The following CFAP46 variants were observed in gnomAD, a reference collection of about 807,000 sequenced individuals.
CFAP46 encodes the protein cilia and flagella associated protein 46.
CFAP46 carries 245 observed loss-of-function variants against 325.7 expected under a neutral mutation model. That is an observed-to-expected ratio of 0.75 (90% CI 0.68 to 0.84). CFAP46 has a LOEUF of 0.84. Ranked by LOEUF, CFAP46 falls within the 40% of genes least tolerant of loss-of-function variation. CFAP46 has a pLI of 0.00. For missense variants in CFAP46, 3,346 were observed against 3,543.0 expected, an observed-to-expected ratio of 0.94 and a Z score of 1.41; for synonymous variants, 1,523 against 1,495.9, an observed-to-expected ratio of 1.02 and a Z score of -0.42.
At chr10:132,871,865 C>T (rs1848899218) in intron 32 of CFAP46, among the ~76,000 whole-genome samples, 1 of 152,228 alleles carries the variant, frequency 6.6e-6, no homozygotes, top group South Asian at 2.1e-4. Context: ...TTTGAAAGAA[C>T]TTCTGCCATG....
chr10:132,897,932 T>C (rs1023807143), intron 24 of CFAP46, among the ~76,000 whole-genome samples: 82 of 152,256 alleles, frequency 5.4e-4, no homozygotes, highest in Non-Finnish European at 2.2e-4. Flanking sequence ...CATCTGAGGA[T>C]CCAGCGCAGC....
At chr10:132,860,664 G>A in intron 36 of CFAP46, 118 bp downstream of exon 36, 1 of 1,251,756 alleles carries the variant, frequency 8.0e-7, no homozygotes, top group East Asian at 2.5e-5. Flanking sequence ...GTGGGGCAGG[G>A]ATGGATCCAG....
intron 34 of CFAP46, 56 bp downstream of exon 34, chr10:132,867,319 G>C (rs1038782409): frequency 2.6e-6 from 4 of 1,525,950 alleles, no homozygotes; most frequent in African/African-American, 2.8e-5. Flanking sequence ...GCATGGCCAC[G>C]AGGCACCGGC....
At chr10:132,926,696 G>A in intron 9 of CFAP46, 30 bp from the exon 10 acceptor site, 18 of 1,466,380 alleles carry the variant, frequency 1.2e-5, no homozygotes, top group Non-Finnish European at 1.6e-5. Flanking sequence ...TTGAAAAGAT[G>A]GAGATCTGTA....
At chr10:132,936,789 C>T (rs1321328622) in intron 7 of CFAP46, among the ~76,000 whole-genome samples, 172 bp downstream of exon 7, 2 of 152,234 alleles carry the variant, frequency 1.3e-5, no homozygotes, top group Admixed American at 1.3e-4. Context: ...GGGTGGCCTT[C>T]GGATCCCCAC....
chr10:132,843,796 C>G (rs12765514), intron 44 of CFAP46, among the ~76,000 whole-genome samples: 13 of 80,712 alleles, frequency 1.6e-4, no homozygotes, highest in African/African-American at 1.9e-4. Context: ...CTGTGGGGCT[C>G]TGGTCTCGGT....
chr10:132,837,009 C>CCA, intron 44 of CFAP46, 95 bp from the exon 45 acceptor site: 2 of 979,340 alleles, frequency 2.0e-6, no homozygotes, highest in Non-Finnish European at 3.2e-6. Flanking sequence ...CGTGGCAGAG[C>CCA]CACGGCGGGG....
At chr10:132,822,893 TGTGCTGATGTGTGCTGTGTGA>T (rs976736224) in intron 50 of CFAP46, among the ~76,000 whole-genome samples, 5 of 144,042 alleles carry the variant, frequency 3.5e-5, no homozygotes, top group East Asian at 2.2e-4. Flanking sequence ...TGCGCTGATG[TGTGCTGATGTGTGCTGTGTGA>T]GTGCTGATGT....
chr10:132,877,412 T>TG lies in CFAP46; in HGVS notation c.4213-452dup, dbSNP rs1848971708. On this transcript the variant is annotated intron_variant, in intron 30 of 57. Transcript: ENST00000368586. This position sits in a 1 kb window ranked among gnomAD's most constrained non-coding sequence, Gnocchi z 5.7. Reference sequence around the variant, plus strand: ...CAGACCTGCCCAGCACTTTGAGAAGTGGATACTTGCAGAGAGAAAGGTTTC... The same window carrying TG: ...CAGACCTGCCCAGCACTTTGAGAAGTGGGATACTTGCAGAGAGAAAGGTTTC... Among the ~76,000 whole-genome samples, 2 of 152,194 alleles carry TG rather than the reference T, an allele frequency of 1.3e-5. No individual in the cohort carries two copies. Among genetic ancestry groups the TG allele is most frequent in the South Asian group, 4.2e-4 (2 of 4,818 alleles).
intron 57 of CFAP46, 122 bp downstream of exon 57, chr10:132,810,287 C>T: frequency 1.2e-6 from 1 of 838,260 alleles, no homozygotes; most frequent in Non-Finnish European, 2.0e-6. Flanking sequence ...GTCTGGAGTC[C>T]CAGGTCCCCC....
intron 19 of CFAP46, among the ~76,000 whole-genome samples, chr10:132,910,741 G>A (rs772805987): frequency 3.3e-5 from 5 of 152,186 alleles, no homozygotes; most frequent in Non-Finnish European, 7.3e-5. Context: ...CTTGCAAAAC[G>A]TCTTGGTAGC....
intron 8 of CFAP46, among the ~76,000 whole-genome samples, chr10:132,933,972 G>A (rs1192992082): frequency 1.5e-4 from 23 of 152,162 alleles, no homozygotes; most frequent in Admixed American, 9.8e-4. Flanking sequence ...TTCCCATCCC[G>A]CAGACACAGC....
At chr10:132,917,699 T>C (rs1849661648) in intron 16 of CFAP46, among the ~76,000 whole-genome samples, 1 of 152,178 alleles carries the variant, frequency 6.6e-6, no homozygotes, top group African/African-American at 2.4e-5. Context: ...CTCCCAAGAA[T>C]CCAGGAAGTT....
In CFAP46 at chr10:132,866,063, C is replaced by T. The variant is rs556827126; in HGVS notation, c.4852G>A (p.Ala1618Thr). Reference sequence around the variant, plus strand: ...TAAGCCTCCGACAGGAGCAGCCGTGCAGGCTGGTACAGGTTCATCTCCAGC... The same window carrying T: ...TAAGCCTCCGACAGGAGCAGCCGTGTAGGCTGGTACAGGTTCATCTCCAGC... ...VLLEMNLYQP[A>T]RLLLSEAYLA... is the part of the protein sequence containing the mutation. Residue 1618 changes from alanine (A) to threonine (T), a missense_variant, in exon 35 of 58, where the codon GCA becomes ACA. Physicochemically the swap from Ala to Thr is moderately conservative, Grantham distance 58. Transcript: ENST00000368586. The T allele has an allele frequency of 4.1e-5, 63 of 1,539,530 alleles. No individual in the cohort carries two copies. The African/African-American group carries it at 5.4e-4, about 13-fold the overall frequency.
chr10:132,930,481 C>T (rs1391220508), intron 8 of CFAP46, among the ~76,000 whole-genome samples: 2 of 145,666 alleles, frequency 1.4e-5, no homozygotes, highest in Non-Finnish European at 3.0e-5. Context: ...GGGCCTTCCC[C>T]ATACTCCCCA....
At chr10:132,925,740 G>A (rs988545374) in intron 10 of CFAP46, among the ~76,000 whole-genome samples, 4 of 152,252 alleles carry the variant, frequency 2.6e-5, no homozygotes, top group African/African-American at 4.8e-5. Context: ...ATCGGCACCC[G>A]CCGGGCTGTG....
intron 34 of CFAP46, among the ~76,000 whole-genome samples, chr10:132,867,021 C>T (rs1407634476): frequency 3.3e-5 from 5 of 152,206 alleles, no homozygotes; most frequent in Non-Finnish European, 7.3e-5. Context: ...GCACATAAAG[C>T]TCATCTTTCC....
chr10:132,857,903 A>C lies in CFAP46; in HGVS notation c.5376-115T>G, dbSNP rs1432162752. 6 of 923,256 alleles carry C rather than the reference A, an allele frequency of 6.5e-6. No homozygotes were observed. In the East Asian group the frequency reaches 1.3e-4, roughly 20 times the overall value. 57.2% of individuals were successfully genotyped at this position (923,256 alleles called of 1,614,324 possible). On this transcript the variant is annotated intron_variant, in intron 38 of 57. Coordinates refer to ENST00000368586, the MANE Select transcript of CFAP46 (RefSeq NM_001200049.3). ...ATTAGTGCTTAAAATGATGTTTTAAAATAGCTAACATGTAAAGACATCCTC... is the reference window on the plus strand; with the variant it reads ...ATTAGTGCTTAAAATGATGTTTTAACATAGCTAACATGTAAAGACATCCTC...
intron 16 of CFAP46, 123 bp from the exon 17 acceptor site, chr10:132,916,805 C>G: frequency 7.5e-7 from 1 of 1,341,428 alleles, no homozygotes; most frequent in Non-Finnish European, 9.7e-7. Flanking sequence ...CTGTGAGACC[C>G]GTTTGCTGTG....
Sources: gnomAD v4.1 joint callset for allele counts (sites outside exome capture counted in the v4.1 genomes callset) on GRCh38, gnomAD v4.1.1 for gene constraint, Gnocchi (gnomAD v3.1) non-coding constraint, MANE v1.5 for transcripts, NCBI Gene and HGNC (gene_info 2026-07-23, HGNC 2026-07-21) for gene names.